The following TMEM156 variants were observed in gnomAD, a reference collection of about 807,000 sequenced individuals.
TMEM156 encodes transmembrane protein 156.
Under a neutral mutation model 30.5 loss-of-function variants are expected in TMEM156, and 28 were observed. The ratio of observed to expected loss-of-function variants is 0.92; its 90% confidence interval spans 0.68 to 1.26. TMEM156 has a LOEUF of 1.26. TMEM156 is among the 50% of genes most tolerant of loss of function. TMEM156 has a pLI of 0.00. For missense variants in TMEM156, 351 were observed against 340.6 expected, an observed-to-expected ratio of 1.03 and a Z score of -0.24; for synonymous variants, 137 against 119.9, an observed-to-expected ratio of 1.14 and a Z score of -0.93.
intron 5 of TMEM156, among the ~76,000 whole-genome samples, chr4:38,971,823 C>T (rs1409703090): frequency 2.0e-5 from 3 of 151,928 alleles, no homozygotes; most frequent in African/African-American, 7.3e-5. Flanking sequence ...GAGTTTCGCT[C>T]TTGTTGCCCA....
At position 38,993,880 on chromosome 4, in the gene TMEM156, A is replaced by G; in HGVS notation, c.477T>C (p.Cys159=). 6.2e-7 allele frequency: 1 copy of G among 1,614,096 alleles called. No homozygotes were observed. Among genetic ancestry groups the G allele is most frequent in the Non-Finnish European group, 8.5e-7 (1 of 1,180,008 alleles). ...VDHLEEYNTT[C]HLKNHTGRST... ...ATCTTCCAGTGTGGTTTTTTAGATG[A>G]CAGGTAGTGTTATATTCCTCCAAGT... Residue 159 remains cysteine (C), a synonymous_variant, in exon 3 of 7, where the codon TGT becomes TGC. Transcript: ENST00000381938.
At chr4:38,977,700 G>C (rs2109878327) in intron 5 of TMEM156, among the ~76,000 whole-genome samples, 1 of 152,228 alleles carries the variant, frequency 6.6e-6, no homozygotes, top group South Asian at 2.1e-4. Context: ...TCAAATCTCT[G>C]AAACAAACAT....
chr4:39,021,812 T>C (rs1425730767), intron 1 of TMEM156, among the ~76,000 whole-genome samples: 2 of 152,244 alleles, frequency 1.3e-5, no homozygotes, highest in East Asian at 3.8e-4. Flanking sequence ...TTTTTGTACA[T>C]GGTGTGAAAT....
At chr4:38,984,345 C>CTGTGTGTGTGTG (rs770530490) in intron 5 of TMEM156, among the ~76,000 whole-genome samples, 246 of 114,902 alleles carry the variant, frequency 2.1e-3, no homozygotes, top group African/African-American at 6.1e-3. Context: ...CTCTCTCTCT[C>CTGTGTGTGTGTG]TCTCTGTGTG....
At chr4:38,991,085 T>A (rs1226734666) in intron 3 of TMEM156, among the ~76,000 whole-genome samples, 1 of 151,910 alleles carries the variant, frequency 6.6e-6, no homozygotes, top group Non-Finnish European at 1.5e-5. Context: ...TCCACCCACC[T>A]TGGCCTCCCA....
At chr4:38,979,414 G>A (rs1193966403) in intron 5 of TMEM156, among the ~76,000 whole-genome samples, 2 of 152,206 alleles carry the variant, frequency 1.3e-5, no homozygotes, top group Non-Finnish European at 2.9e-5. Flanking sequence ...GCTAAAAGGA[G>A]GAAAATAAAG....
At chr4:38,993,585 A>G (rs1438612918) in intron 3 of TMEM156, 153 bp downstream of exon 3, 2 of 696,984 alleles carry the variant, frequency 2.9e-6, no homozygotes, top group African/African-American at 1.8e-5. Context: ...AGAAAAATAA[A>G]CAGATAAATA....
intron 3 of TMEM156, among the ~76,000 whole-genome samples, chr4:38,993,059 C>G (rs923679123): frequency 3.3e-5 from 5 of 151,600 alleles, no homozygotes; most frequent in African/African-American, 9.7e-5. Context: ...CCGCACCCAG[C>G]CAATATTCAT....
At chr4:39,015,065 G>A (rs1714390423) in intron 1 of TMEM156, among the ~76,000 whole-genome samples, 1 of 152,040 alleles carries the variant, frequency 6.6e-6, no homozygotes, top group African/African-American at 2.4e-5. Flanking sequence ...GTGTCTTTGT[G>A]TTTCAAATTT....
At chr4:39,024,653 A>T (rs1255930141) in intron 1 of TMEM156, among the ~76,000 whole-genome samples, 1 of 152,142 alleles carries the variant, frequency 6.6e-6, no homozygotes, top group Non-Finnish European at 1.5e-5. Flanking sequence ...AAAAACAGAC[A>T]CTGGGGCCTA....
intron 5 of TMEM156, among the ~76,000 whole-genome samples, chr4:38,982,305 T>C (rs11096967): frequency 0.49 from 73,961 of 151,970 alleles, 18,548 homozygotes; most frequent in African/African-American, 0.61. Context: ...ACCTTGTGAT[T>C]ACGTGAGTCA....
intron 6 of TMEM156, among the ~76,000 whole-genome samples, chr4:38,970,685 A>C (rs1429163195): frequency 6.6e-6 from 1 of 152,166 alleles, no homozygotes; most frequent in African/African-American, 2.4e-5. Flanking sequence ...ATAATTGTGG[A>C]GGAGGCAGTT....
At chr4:39,004,579 T>G (rs1054731862) in intron 1 of TMEM156, among the ~76,000 whole-genome samples, 4 of 152,124 alleles carry the variant, frequency 2.6e-5, no homozygotes, top group South Asian at 2.1e-4. Context: ...ATATACCATA[T>G]GTATTCTGTG....
intron 5 of TMEM156, among the ~76,000 whole-genome samples, chr4:38,973,366 C>G (rs556021208): frequency 6.6e-6 from 1 of 152,138 alleles, no homozygotes; most frequent in African/African-American, 2.4e-5. Context: ...TTCCTTTATT[C>G]AAGTCATTTT....
At chr4:39,010,111 A>G (rs561436035) in intron 1 of TMEM156, among the ~76,000 whole-genome samples, 10 of 152,288 alleles carry the variant, frequency 6.6e-5, no homozygotes, top group African/African-American at 2.4e-4. Flanking sequence ...TCAAGCTGAG[A>G]ATCAAATGAA....
intron 1 of TMEM156, among the ~76,000 whole-genome samples, chr4:39,019,019 T>C (rs1714685171): frequency 1.2e-5 from 1 of 83,164 alleles, no homozygotes; most frequent in Non-Finnish European, 2.3e-5. Context: ...AGACTCCATC[T>C]TAAAAAAACA....
chr4:38,974,208 T>TC (rs148013936), intron 5 of TMEM156, among the ~76,000 whole-genome samples: 1,125 of 52,654 alleles, frequency 0.021, 16 homozygotes, highest in Non-Finnish European at 0.034. Flanking sequence ...TCTTTCTCTC[T>TC]TTTTTTTTTT....
At chr4:38,982,290 A>AC (rs1711628202) in intron 5 of TMEM156, among the ~76,000 whole-genome samples, 1 of 152,050 alleles carries the variant, frequency 6.6e-6, no homozygotes. Context: ...CTATTGTAGG[A>AC]CCCCACCTTG....
At chr4:39,016,298 G>T (rs2381347) in intron 1 of TMEM156, among the ~76,000 whole-genome samples, 37,485 of 151,280 alleles carry the variant, frequency 0.25, 5,442 homozygotes, top group East Asian at 0.4. Flanking sequence ...GCTTGAACCC[G>T]GGAGGCAGAG....
Sources: gnomAD v4.1 joint callset for allele counts (sites outside exome capture counted in the v4.1 genomes callset) on GRCh38, gnomAD v4.1.1 for gene constraint, MANE v1.5 for transcripts, NCBI Gene and HGNC (gene_info 2026-07-23, HGNC 2026-07-21) for gene names.